TM9SF3: variants seen among roughly 807,000 people sequenced by gnomAD.
TM9SF3 encodes SM-11044-binding protein.
In TM9SF3, 14 loss-of-function variants were observed where a neutral mutation model predicts 78.6. The observed-to-expected ratio is 0.18, with a 90% CI of 0.12 to 0.28. The LOEUF (loss-of-function observed/expected upper bound fraction) is 0.28. Among genes scored for constraint, TM9SF3 ranks in the 10% least tolerant of loss-of-function variants. TM9SF3 has a pLI of 1.00. For synonymous variants in TM9SF3, 231 were observed against 241.7 expected (o/e 0.96, Z 0.41); for missense variants, 496 against 721.9 (o/e 0.69, Z 3.59).
At chr10:96,576,864 A>C in intron 1 of TM9SF3, 35 bp from the exon 2 acceptor site, 1 of 1,446,284 alleles carries the variant, frequency 6.9e-7, no homozygotes, top group Non-Finnish European at 9.1e-7. Flanking sequence ...ATTAAAAAAA[A>C]AAAACACACT....
intron 2 of TM9SF3, among the ~76,000 whole-genome samples, chr10:96,567,193 T>A (rs1268622251): frequency 2.0e-5 from 3 of 150,428 alleles, no homozygotes; most frequent in African/African-American, 7.3e-5. Context: ...CAAGCGATTC[T>A]CCTGCCTCAG....
Position 96,570,014 on chromosome 10 carries a change from T to G in TM9SF3, c.299-4588A>C, listed in dbSNP as rs536181849. On this transcript the variant is annotated intron_variant, in intron 2 of 14. Transcript: ENST00000371142. Reference sequence around the variant, plus strand: ...ATCCAGCCTAGCAACAGAGCGAGACTCCGTCTCAAAAAAAAGAAAGAAAAT... The same window carrying G: ...ATCCAGCCTAGCAACAGAGCGAGACGCCGTCTCAAAAAAAAGAAAGAAAAT... 6.8e-4 allele frequency among the ~76,000 whole-genome samples: 103 copies of G among 151,880 alleles called. 1 individual carries two copies. The highest frequency in any genetic ancestry group is 2.2e-4 in the Non-Finnish European group (15 of 67,972).
chr10:96,562,413 T>C (rs1217996665), intron 3 of TM9SF3, among the ~76,000 whole-genome samples: 1 of 152,086 alleles, frequency 6.6e-6, no homozygotes, highest in African/African-American at 2.4e-5. Context: ...TAGTCTTAGG[T>C]ACTTCTTTAT....
intron 12 of TM9SF3, 42 bp from the exon 13 acceptor site, chr10:96,527,538 G>T (rs759273670): frequency 6.8e-7 from 1 of 1,463,230 alleles, no homozygotes; most frequent in South Asian, 1.2e-5. Flanking sequence ...TCTTTTGAAT[G>T]AATGGCACTA....
chr10:96,531,949 G>A (rs1589447312), intron 10 of TM9SF3, among the ~76,000 whole-genome samples: 1 of 151,974 alleles, frequency 6.6e-6, no homozygotes, highest in African/African-American at 2.4e-5. Context: ...GGTGGCTTAC[G>A]CCTGTAATCC....
At position 96,567,337 on chromosome 10, in the gene TM9SF3, A is replaced by G. The variant is rs558360776; in HGVS notation, c.299-1911T>C. ...TGATCTCAGGTGAACCGCCCGCCTC[A>G]GCCTCCCAAAGTGCTGGGATTACAG... On this transcript the variant is annotated intron_variant, in intron 2 of 14. Coordinates refer to ENST00000371142, the MANE Select transcript of TM9SF3 (RefSeq NM_020123.4). 5.9e-3 allele frequency among the ~76,000 whole-genome samples: 897 copies of G among 152,242 alleles called. 7 individuals carry two copies. The highest frequency in any genetic ancestry group is 0.014 in the South Asian group (69 of 4,824).
chr10:96,543,793 C>T (rs182807060), intron 9 of TM9SF3: 101 of 182,496 alleles, frequency 5.5e-4, no homozygotes, highest in African/African-American at 2.2e-3. Flanking sequence ...CCAGTTCTTC[C>T]CATCTCTGAT....
At chr10:96,568,886 T>A (rs1848408737) in intron 2 of TM9SF3, among the ~76,000 whole-genome samples, 1 of 151,824 alleles carries the variant, frequency 6.6e-6, no homozygotes, top group African/African-American at 2.4e-5. Flanking sequence ...CTTCCCAGAG[T>A]TAAGAATTAA....
chr10:96,573,054 GTA>G (rs1848456942), intron 2 of TM9SF3, among the ~76,000 whole-genome samples: 1 of 152,164 alleles, frequency 6.6e-6, no homozygotes, highest in Non-Finnish European at 1.5e-5. Context: ...ATGTAAACAT[GTA>G]TGTATGTGTA....
chr10:96,578,651 A>G (rs544321421), intron 1 of TM9SF3, among the ~76,000 whole-genome samples: 1 of 152,198 alleles, frequency 6.6e-6, no homozygotes, highest in African/African-American at 2.4e-5. Flanking sequence ...CTTCCATCCA[A>G]TGCTCATGGG....
At chr10:96,573,574 AGT>A (rs747283782) in intron 2 of TM9SF3, among the ~76,000 whole-genome samples, 3 of 152,180 alleles carry the variant, frequency 2.0e-5, no homozygotes, top group Non-Finnish European at 2.9e-5. Flanking sequence ...TTAATCTGAA[AGT>A]GCTTAGCTTA....
At chr10:96,581,690 T>G (rs1249021684) in intron 1 of TM9SF3, among the ~76,000 whole-genome samples, 4 of 152,220 alleles carry the variant, frequency 2.6e-5, no homozygotes, top group African/African-American at 7.2e-5. Context: ...TTATAAGTTT[T>G]CAGTAAGTTT....
chr10:96,573,866 A>G (rs1564940065), intron 2 of TM9SF3, among the ~76,000 whole-genome samples: 2 of 152,218 alleles, frequency 1.3e-5, no homozygotes, highest in Non-Finnish European at 2.9e-5. Context: ...AAAACTGGCT[A>G]GCCATATGCA....
In TM9SF3 at chr10:96,528,072, A is replaced by G. The variant is rs147929152; in HGVS notation, c.1500T>C (p.Ile500=). 7.8e-5 allele frequency: 126 copies of G among 1,612,924 alleles called. No homozygotes were observed. The Middle Eastern group carries it at 3.0e-3, about 38-fold the overall frequency. Residue 500 remains isoleucine, a synonymous_variant, in exon 12 of 15, where the codon ATT becomes ATC. Transcript: ENST00000371142. The part of the protein sequence containing the change: ...ILCIVTVCVT[I]VCTYFLLNAE... ...CATTTAGTAGAAAATATGTGCACAC[A>G]ATAGTCACACAGACAGTCACAATGC...
intron 6 of TM9SF3, 106 bp from the exon 7 acceptor site, chr10:96,551,517 T>G: frequency 1.4e-6 from 1 of 720,274 alleles, no homozygotes; most frequent in Non-Finnish European, 2.1e-6. Flanking sequence ...TCCAAATTTA[T>G]AGCTAAAGAA....
rs796494207 is a variant in TM9SF3, at chr10:96,527,628, G to A, written c.1542-132C>T. On this transcript the variant is annotated intron_variant, in intron 12 of 14. Coordinates refer to ENST00000371142, the MANE Select transcript of TM9SF3 (RefSeq NM_020123.4). ...AACTTATTTAAAAAACAAATGCATAGACATGGTATTCAAATTTATCAACAA... is the reference window on the plus strand; with the variant it reads ...AACTTATTTAAAAAACAAATGCATAAACATGGTATTCAAATTTATCAACAA... The A allele has an allele frequency of 1.1e-5, 7 of 653,864 alleles. No individual in the cohort carries two copies. In the African/African-American group the frequency reaches 1.3e-4, roughly 12 times the overall value. The allele number at this position is 653,864 out of a possible 1,614,324, so 40.5% of individuals were successfully genotyped here. A position where few individuals can be genotyped will look rare whatever the true frequency, so the allele number is the denominator to read the frequency against.
intron 9 of TM9SF3, among the ~76,000 whole-genome samples, chr10:96,536,527 T>TTTGGCATG (rs1847962652): frequency 6.6e-6 from 1 of 152,120 alleles, no homozygotes. Context: ...AATAAGTGAA[T>TTTGGCATG]TTGGCAGGGT....
At position 96,519,703 on chromosome 10, in the gene TM9SF3, T is replaced by C. The variant is rs541990392; in HGVS notation, c.*2560A>G. The C allele has an allele frequency of 6.6e-6, 1 of 152,048 alleles. No homozygotes were observed. The highest frequency in any genetic ancestry group is 2.4e-5 in the African/African-American group (1 of 41,524). 9.4% of individuals were successfully genotyped at this position (152,048 alleles called of 1,614,324 possible). On this transcript the variant is annotated 3_prime_UTR_variant, in exon 15 of 15. Coordinates refer to ENST00000371142, the MANE Select transcript of TM9SF3 (RefSeq NM_020123.4). Reference sequence around the variant, plus strand: ...AACCTCACCTTTCAATTAACTTGAATAATGTTCTATTTTCTATTCTACAAC... The same window carrying C: ...AACCTCACCTTTCAATTAACTTGAACAATGTTCTATTTTCTATTCTACAAC...
chr10:96,569,175 A>G (rs1040264152), intron 2 of TM9SF3, among the ~76,000 whole-genome samples: 1 of 152,204 alleles, frequency 6.6e-6, no homozygotes, highest in African/African-American at 2.4e-5. Context: ...TCTCCAAAAA[A>G]AGAAAAAAAG....
Sources: allele counts gnomAD v4.1 joint callset (sites outside exome capture counted in the v4.1 genomes callset), GRCh38; gene constraint gnomAD v4.1.1; transcripts MANE v1.5; gene names NCBI Gene and HGNC (gene_info 2026-07-23, HGNC 2026-07-21).